Variants in EVA1C observed in about 807,000 individuals in gnomAD.
The protein encoded by EVA1C is eva-1 homolog C.
A neutral mutation model predicts 45.4 loss-of-function variants in EVA1C; 25 were observed. The observed-to-expected ratio is 0.55, with a 90% CI of 0.40 to 0.77. EVA1C has a LOEUF of 0.77. Ranked by LOEUF, EVA1C falls within the 30% of genes least tolerant of loss-of-function variation. The pLI is 0.00. For synonymous variants in EVA1C, 190 were observed against 221.2 expected, an observed-to-expected ratio of 0.86 and a Z score of 1.25; for missense variants, 479 against 554.8, an observed-to-expected ratio of 0.86 and a Z score of 1.37.
At chr21:32,479,242 G>A (rs1196816866) in intron 4 of EVA1C, among the ~76,000 whole-genome samples, 11 of 152,152 alleles carry the variant, frequency 7.2e-5, no homozygotes, top group Non-Finnish European at 1.5e-4. Flanking sequence ...TCAACATGGG[G>A]AAACCCCATC....
intron 4 of EVA1C, among the ~76,000 whole-genome samples, chr21:32,476,963 G>A (rs7280807): frequency 0.16 from 24,831 of 152,110 alleles, 2,278 homozygotes; most frequent in Admixed American, 0.23. Context: ...GGGCAGGCAC[G>A]GAGGAGGTCA....
intron 4 of EVA1C, among the ~76,000 whole-genome samples, chr21:32,473,307 T>A (rs1359815680): frequency 1.3e-5 from 2 of 152,214 alleles, no homozygotes; most frequent in East Asian, 1.9e-4. Context: ...TGTCTCCACC[T>A]TCTCCTCCCT....
rs2035498749 is a variant in EVA1C, at chr21:32,449,564, C to G, written c.161-3748C>G. On this transcript the variant is annotated intron_variant, in intron 1 of 7. Transcript: ENST00000300255. ...TTTGATAGCTCATTTCATTTTAGTG[C>G]TAAATAACATTCCATTGTCTGGATG... Among the ~76,000 whole-genome samples, 3 of 151,184 alleles carry G rather than the reference C, an allele frequency of 2.0e-5. No individual in the cohort carries two copies. In the South Asian group the frequency reaches 6.3e-4, roughly 32 times the overall value.
intron 1 of EVA1C, among the ~76,000 whole-genome samples, chr21:32,419,428 C>A (rs2034175332): frequency 6.6e-6 from 1 of 152,198 alleles, no homozygotes; most frequent in African/African-American, 2.4e-5. Context: ...AATATCCATA[C>A]TGATGGCCGG....
At chr21:32,470,268 A>G (rs1034148941) in intron 4 of EVA1C, among the ~76,000 whole-genome samples, 3 of 152,250 alleles carry the variant, frequency 2.0e-5, no homozygotes, top group Admixed American at 2.0e-4. Context: ...TCTCAAGAGA[A>G]AACAAAAAAA....
intron 7 of EVA1C, among the ~76,000 whole-genome samples, chr21:32,512,379 C>T (rs1395067389): frequency 6.6e-6 from 1 of 152,170 alleles, no homozygotes. Context: ...AAAAGAGGTA[C>T]AGTAGCAAGT....
At chr21:32,496,735 A>ACACCT in intron 5 of EVA1C, 1 of 616,206 alleles carries the variant, frequency 1.6e-6, no homozygotes, top group East Asian at 2.7e-5. Flanking sequence ...TAGCCTCCAA[A>ACACCT]TAAGGTGTAG....
intron 4 of EVA1C, among the ~76,000 whole-genome samples, chr21:32,480,972 A>T (rs975069900): frequency 1.3e-5 from 2 of 150,022 alleles, no homozygotes; most frequent in African/African-American, 4.9e-5. Context: ...AAAAAAAAAA[A>T]AATAAATAAA....
At chr21:32,441,404 G>A (rs1182934203) in intron 1 of EVA1C, among the ~76,000 whole-genome samples, 1 of 152,052 alleles carries the variant, frequency 6.6e-6, no homozygotes, top group Non-Finnish European at 1.5e-5. Flanking sequence ...TTCGGGCTGA[G>A]AGACAGTCAA....
chr21:32,493,981 G>T (rs1453990723), intron 4 of EVA1C, among the ~76,000 whole-genome samples: 3 of 151,998 alleles, frequency 2.0e-5, no homozygotes, highest in Non-Finnish European at 4.4e-5. Context: ...TGTATTTTTA[G>T]TAGAGATGGG....
At chr21:32,426,651 A>G (rs2833815) in intron 1 of EVA1C, among the ~76,000 whole-genome samples, 88,096 of 151,864 alleles carry the variant, frequency 0.58, 28,688 homozygotes, top group African/African-American at 0.88. Context: ...TCATGGGGCT[A>G]AGCATCGTTT....
At chr21:32,415,509 C>T (rs1319780159) in intron 1 of EVA1C, among the ~76,000 whole-genome samples, 4 of 152,078 alleles carry the variant, frequency 2.6e-5, no homozygotes, top group Admixed American at 2.6e-4. Flanking sequence ...TTCCTTAAGC[C>T]TTTCTCTTCT....
chr21:32,458,481 A>ACTT (rs746966829), intron 3 of EVA1C, among the ~76,000 whole-genome samples: 2 of 141,142 alleles, frequency 1.4e-5, no homozygotes, highest in Non-Finnish European at 3.0e-5. Flanking sequence ...GAAGTTAAGC[A>ACTT]CTTTTTTTTT....
At chr21:32,477,911 G>A (rs150081290) in intron 4 of EVA1C, among the ~76,000 whole-genome samples, 2 of 57,214 alleles carry the variant, frequency 3.5e-5, no homozygotes, top group Non-Finnish European at 7.1e-5. Context: ...CCTCACCTCC[G>A]CCATACGCTC....
intron 1 of EVA1C, among the ~76,000 whole-genome samples, chr21:32,427,781 G>A (rs2034547149): frequency 6.6e-6 from 1 of 151,114 alleles, no homozygotes; most frequent in African/African-American, 2.4e-5. Flanking sequence ...ACTGTGGGAG[G>A]CCAAGGTGGG....
At chr21:32,471,382 A>G (rs1454330562) in intron 4 of EVA1C, among the ~76,000 whole-genome samples, 1 of 146,342 alleles carries the variant, frequency 6.8e-6, no homozygotes, top group East Asian at 2.0e-4. Flanking sequence ...GCTGGAGTGC[A>G]GTGGCACGAT....
intron 1 of EVA1C, among the ~76,000 whole-genome samples, chr21:32,443,723 C>G (rs2035263909): frequency 2.0e-5 from 3 of 152,130 alleles, no homozygotes; most frequent in Non-Finnish European, 2.9e-5. Flanking sequence ...TCCTAGTGCT[C>G]TCTTTTATTT....
chr21:32,500,161 G>A (rs1466011669), intron 5 of EVA1C, among the ~76,000 whole-genome samples: 1 of 151,162 alleles, frequency 6.6e-6, no homozygotes, highest in Admixed American at 6.6e-5. Context: ...CTAAGTCCAG[G>A]GAAGCTCATC....
At chr21:32,415,823 A>G (rs1345783401) in intron 1 of EVA1C, among the ~76,000 whole-genome samples, 1 of 152,222 alleles carries the variant, frequency 6.6e-6, no homozygotes. Flanking sequence ...AGCGAAGGCA[A>G]GAGAAGTTCA....
Sources: allele counts gnomAD v4.1 joint callset (sites outside exome capture counted in the v4.1 genomes callset), GRCh38; gene constraint gnomAD v4.1.1; transcripts MANE v1.5; gene names NCBI Gene and HGNC (gene_info 2026-07-23, HGNC 2026-07-21).